DROSHA: variants seen among roughly 807,000 people sequenced by gnomAD.
The protein encoded by DROSHA is ribonuclease 3.
In DROSHA, 56 loss-of-function variants were observed where a neutral mutation model predicts 181.9. That is an observed-to-expected ratio of 0.31 (90% CI 0.25 to 0.38). The LOEUF (loss-of-function observed/expected upper bound fraction) is 0.38. DROSHA is among the 10% of genes least tolerant of loss of function. DROSHA has a pLI of 1.00. For missense variants in DROSHA, 1,218 were observed against 1,743.5 expected (o/e 0.70, Z 5.37); for synonymous variants, 524 against 591.2 (o/e 0.89, Z 1.65).
intron 20 of DROSHA, among the ~76,000 whole-genome samples, chr5:31,457,742 T>C (rs978946948): frequency 6.6e-6 from 1 of 151,848 alleles, no homozygotes; most frequent in African/African-American, 2.4e-5. Context: ...ATTGAAAAAT[T>C]AGCCAGGCAT....
chr5:31,495,141 C>A, intron 12 of DROSHA, 145 bp downstream of exon 12: 1 of 853,726 alleles, frequency 1.2e-6, no homozygotes, highest in Non-Finnish European at 1.8e-6. Context: ...GAAACGTCAT[C>A]GTGAGAAAGG....
intron 33 of DROSHA, 59 bp from the exon 34 acceptor site, chr5:31,407,004 T>TA: frequency 7.5e-6 from 11 of 1,460,960 alleles, no homozygotes; most frequent in African/African-American, 1.4e-5. Context: ...ATGGTTACTA[T>TA]GTAACTATGA....
chr5:31,416,030 T>A (rs1392191381), intron 30 of DROSHA, among the ~76,000 whole-genome samples: 6 of 152,314 alleles, frequency 3.9e-5, no homozygotes. Flanking sequence ...CAGAACAGAA[T>A]GTTTTTCCCC....
chr5:31,424,783 T>C (rs1743275108), intron 27 of DROSHA, among the ~76,000 whole-genome samples: 1 of 152,224 alleles, frequency 6.6e-6, no homozygotes, highest in Admixed American at 6.5e-5. Context: ...GCTCTTTTAA[T>C]CATATTTTTT....
chr5:31,456,486 A>ACACT (rs1217997297), intron 20 of DROSHA, among the ~76,000 whole-genome samples: 1 of 151,676 alleles, frequency 6.6e-6, no homozygotes, highest in Non-Finnish European at 1.5e-5. Flanking sequence ...ACACACACAC[A>ACACT]CACACACAGA....
At chr5:31,440,859 ATCT>A (rs1228429485) in intron 23 of DROSHA, among the ~76,000 whole-genome samples, 1 of 152,180 alleles carries the variant, frequency 6.6e-6, no homozygotes, top group African/African-American at 2.4e-5. Context: ...TTTCAAGGCC[ATCT>A]TATATATATT....
chr5:31,472,339 C>T (rs1398691554), intron 16 of DROSHA, 107 bp from the exon 17 acceptor site: 40 of 1,289,030 alleles, frequency 3.1e-5, no homozygotes, highest in Non-Finnish European at 3.6e-5. Context: ...GGAAAAAGAG[C>T]ACATACAAAA....
intron 13 of DROSHA, among the ~76,000 whole-genome samples, chr5:31,489,740 T>C (rs1399416859): frequency 1.3e-5 from 2 of 152,182 alleles, no homozygotes. Context: ...CACACACTGA[T>C]TGACCAAATC....
intron 6 of DROSHA, among the ~76,000 whole-genome samples, chr5:31,519,672 A>C (rs974739634): frequency 6.6e-6 from 1 of 152,186 alleles, no homozygotes; most frequent in Non-Finnish European, 1.5e-5. Context: ...GATGGTATCC[A>C]TCAGGTTCAT....
Position 31,431,584 on chromosome 5 carries a change from G to A in DROSHA, c.3137C>T (p.Ala1046Val). ...AAGAAGAGAGAAATTACCTATTAAC[G>A]CTTCAAAACAATTGGCCATTGCATG... ...LRHAMANCFE[A>V]LIGAVYLEGS... Residue 1046 changes from alanine to valine, a missense_variant, in exon 26 of 36, where the codon GCG (alanine) becomes GTG (valine). Around this residue, in one of 8 missense-constraint regions of DROSHA, gnomAD observed 71 missense variants for 95.2 expected, o/e 0.75. Coordinates refer to ENST00000344624, the MANE Select transcript of DROSHA (RefSeq NM_001382508.1). 2.5e-6 allele frequency: 4 copies of A among 1,613,658 alleles called. No homozygotes were observed. The highest frequency in any genetic ancestry group is 3.4e-6 in the Non-Finnish European group (4 of 1,179,736).
At chr5:31,530,010 C>G (rs1741086870) in intron 3 of DROSHA, among the ~76,000 whole-genome samples, 1 of 152,176 alleles carries the variant, frequency 6.6e-6, no homozygotes, top group Admixed American at 6.5e-5. Flanking sequence ...GAAAGTCTTT[C>G]TAAAAGTCTC....
At chr5:31,437,435 G>A (rs1248377923) in intron 23 of DROSHA, 137 bp from the exon 24 acceptor site, 3 of 756,170 alleles carry the variant, frequency 4.0e-6, no homozygotes, top group Non-Finnish European at 6.2e-6. Context: ...TCATAATTAA[G>A]AGCACAGACC....
intron 21 of DROSHA, among the ~76,000 whole-genome samples, chr5:31,450,068 C>T (rs1746783927): frequency 6.6e-6 from 1 of 152,040 alleles, no homozygotes; most frequent in African/African-American, 2.4e-5. Context: ...AAAGAATGTT[C>T]AACATCACTA....
At chr5:31,455,511 T>G (rs534092028) in intron 20 of DROSHA, among the ~76,000 whole-genome samples, 1 of 151,826 alleles carries the variant, frequency 6.6e-6, no homozygotes, top group Non-Finnish European at 1.5e-5. Context: ...CCTGAAAAAA[T>G]TAACTGAAAA....
chr5:31,410,664 A>G (rs2149988112), intron 31 of DROSHA, 82 bp downstream of exon 31: 1 of 1,496,112 alleles, frequency 6.7e-7, no homozygotes, highest in East Asian at 2.3e-5. Flanking sequence ...AGAACATAAT[A>G]ATAATGAGGA....
At position 31,526,566 on chromosome 5, in the gene DROSHA, G is replaced by A; in HGVS notation, c.367C>T (p.Pro123Ser). ...VPPCFPPMPP[P>S]MPCPNNPPVP... The stretch of plus-strand genomic sequence containing the variant: ...GGGGGGTTATTAGGACAAGGCATTG[G>A]TGGTGGCATGGGAGGAAAACAAGGA... The change falls in exon 5 of 36, where the codon CCA becomes TCA. Residue 123 changes from proline (P) to serine (S), a missense_variant. By Grantham distance (74) the Pro-to-Ser change is moderately conservative. Around this residue, in one of 8 missense-constraint regions of DROSHA, gnomAD observed 536 missense variants for 535.4 expected, o/e 1.00. Transcript: ENST00000344624. 3.9e-6 allele frequency: 6 copies of A among 1,533,552 alleles called. No individual in the cohort carries two copies. Among genetic ancestry groups the A allele is most frequent in the South Asian group, 2.6e-5 (2 of 77,570 alleles). 95.0% of individuals were successfully genotyped at this position (1,533,552 alleles called of 1,614,324 possible).
Position 31,410,729 on chromosome 5 carries a change from A to C in DROSHA, c.3667+17T>G. 1 of 1,608,786 alleles carries C rather than the reference A, an allele frequency of 6.2e-7. No homozygotes were observed. Among genetic ancestry groups the C allele is most frequent in the South Asian group, 1.1e-5 (1 of 90,162 alleles). On this transcript the variant is annotated intron_variant, in intron 31 of 35. Transcript: ENST00000344624. ...ACTCTGAACCTGGAGGTTGAGAGAA[A>C]AGTGTGTGGCACTCACATTCCAAAA...
rs1742966622 is a variant in DROSHA, at chr5:31,423,100, G to T, written c.3262-156C>A. On this transcript the variant is annotated intron_variant, in intron 28 of 35. Transcript: ENST00000344624. ...ATGGAAGCTCGTTTCTCATTTCTTT[G>T]AATGGCAAACAAATCTAATATTTAA... is the stretch of plus-strand genomic sequence containing the variant. 4 of 654,946 alleles carry T rather than the reference G, an allele frequency of 6.1e-6. No homozygotes were observed. The East Asian group carries it at 9.3e-5, about 15-fold the overall frequency. The allele number at this position is 654,946 out of a possible 1,614,324, so 40.6% of individuals were successfully genotyped here. A position where few individuals can be genotyped will look rare whatever the true frequency, so the allele number is the denominator to read the frequency against.
chr5:31,404,021 G>A (rs947270733), intron 35 of DROSHA, among the ~76,000 whole-genome samples: 1 of 151,894 alleles, frequency 6.6e-6, no homozygotes, highest in African/African-American at 2.4e-5. Context: ...GGGCTCAAGT[G>A]ATCCTCTGGC....
Sources: allele counts gnomAD v4.1 joint callset (sites outside exome capture counted in the v4.1 genomes callset), GRCh38; gene constraint gnomAD v4.1.1; regional missense constraint gnomAD v4.1.1; transcripts MANE v1.5; gene names NCBI Gene and HGNC (gene_info 2026-07-23, HGNC 2026-07-21).